The following SLC44A1 variants were observed in gnomAD, a reference collection of about 807,000 sequenced individuals.
SLC44A1 encodes choline transporter-like protein 1.
Under a neutral mutation model 79.3 loss-of-function variants are expected in SLC44A1, and 26 were observed. The ratio of observed to expected loss-of-function variants is 0.33; its 90% confidence interval spans 0.24 to 0.46. SLC44A1 has a LOEUF of 0.46. Ranked by LOEUF, SLC44A1 falls within the 20% of genes least tolerant of loss-of-function variation. The probability of loss-of-function intolerance (pLI) is 1.00; values close to 1 mark genes in which losing one functional copy is unlikely to be tolerated. For missense variants in SLC44A1, 688 were observed against 798.1 expected, an observed-to-expected ratio of 0.86 and a Z score of 1.66; for synonymous variants, 263 against 286.2, an observed-to-expected ratio of 0.92 and a Z score of 0.82.
At chr9:105,406,488 C>A (rs931412479) in intron 15 of SLC44A1, among the ~76,000 whole-genome samples, 3 of 152,176 alleles carry the variant, frequency 2.0e-5, no homozygotes, top group Non-Finnish European at 4.4e-5. Flanking sequence ...CACCTATAAT[C>A]TCAATACCTT....
intron 15 of SLC44A1, among the ~76,000 whole-genome samples, chr9:105,421,467 C>T (rs12340242): frequency 1.3e-5 from 2 of 151,982 alleles, no homozygotes; most frequent in Non-Finnish European, 2.9e-5. Flanking sequence ...TTAGAGCCAC[C>T]GTCATTAAAA....
intron 1 of SLC44A1, among the ~76,000 whole-genome samples, chr9:105,287,585 A>G (rs227888): frequency 0.13 from 20,039 of 152,118 alleles, 1,672 homozygotes; most frequent in African/African-American, 0.23. Flanking sequence ...GGACATAACA[A>G]TGATTTAGGG....
chr9:105,309,763 G>C lies in SLC44A1; in HGVS notation c.166G>C (p.Ala56Pro), dbSNP rs1230776546. ...CTTTTCAATAGCAACAGGTGCAGCA[G>C]CAAGACTAGTGTCAGGATACGACAG... ...CGFSIATGAAARLVSGYDSYG... is the reference protein window; with the variant it reads ...CGFSIATGAAPRLVSGYDSYG... The change falls in exon 3 of 16, where the codon GCA (alanine) becomes CCA (proline). Residue 56 changes from alanine (A) to proline (P), a missense_variant. Coordinates refer to ENST00000374720, the MANE Select transcript of SLC44A1 (RefSeq NM_080546.5). 6.2e-7 allele frequency: 1 copy of C among 1,613,772 alleles called. No homozygotes were observed. The highest frequency in any genetic ancestry group is 8.5e-7 in the Non-Finnish European group (1 of 1,179,848).
intron 15 of SLC44A1, among the ~76,000 whole-genome samples, chr9:105,402,805 G>A (rs941211428): frequency 6.6e-6 from 1 of 152,002 alleles, no homozygotes; most frequent in African/African-American, 2.4e-5. Context: ...TATTTATGCT[G>A]CTTTTGTTTT....
chr9:105,300,370 C>T (rs1208427240), intron 2 of SLC44A1, among the ~76,000 whole-genome samples: 1 of 152,200 alleles, frequency 6.6e-6, no homozygotes, highest in African/African-American at 2.4e-5. Context: ...TGTTCCTACT[C>T]ATGTGTATTT....
chr9:105,261,773 CTCTT>C (rs1281130378), intron 1 of SLC44A1, among the ~76,000 whole-genome samples: 6 of 138,030 alleles, frequency 4.3e-5, no homozygotes, highest in Middle Eastern at 3.6e-3. Flanking sequence ...TTCTCTCTCT[CTCTT>C]TTTTTTTTTT....
intron 15 of SLC44A1, among the ~76,000 whole-genome samples, chr9:105,432,111 G>A (rs1177111151): frequency 1.3e-5 from 2 of 152,080 alleles, no homozygotes; most frequent in Non-Finnish European, 2.9e-5. Flanking sequence ...TAGTAGAGAC[G>A]GAGTTTCACC....
In SLC44A1 at chr9:105,366,391, CT is replaced by C; in HGVS notation, c.1459del (p.Trp487GlyfsTer7). On this transcript the variant is annotated frameshift_variant, in exon 12 of 16. Transcript: ENST00000374720. LOFTEE classifies it high-confidence loss of function. Reference sequence around the variant, plus strand: ...TGTGCTGAAATCTTGCATTTGTTGCCTTTGGTGTCTTGAAAAGTGCCTAAAT... The same window carrying C: ...TGTGCTGAAATCTTGCATTTGTTGCCTTGGTGTCTTGAAAAGTGCCTAAAT... Reference protein sequence around the residue: ...RCVLKSCICCLWCLEKCLNYL... With the variant: ...RCVLKSCICCXWCLEKCLNYL... The C allele has an allele frequency of 2.0e-6, 3 of 1,532,056 alleles. No individual in the cohort carries two copies. The highest frequency in any genetic ancestry group is 2.6e-5 in the South Asian group (2 of 76,122). 94.9% of individuals were successfully genotyped at this position (1,532,056 alleles called of 1,614,324 possible). A position where few individuals can be genotyped will look rare whatever the true frequency, so the allele number is the denominator to read the frequency against.
At chr9:105,435,950 C>A (rs1328388303) in intron 15 of SLC44A1, among the ~76,000 whole-genome samples, 3 of 152,226 alleles carry the variant, frequency 2.0e-5, no homozygotes, top group East Asian at 3.8e-4. Context: ...GTAATCTCAA[C>A]ACTTCGGGAG....
Position 105,308,832 on chromosome 9 carries a change from A to G in SLC44A1, c.127-892A>G, listed in dbSNP as rs370755681. On this transcript the variant is annotated intron_variant, in intron 2 of 15. Coordinates refer to ENST00000374720, the MANE Select transcript of SLC44A1 (RefSeq NM_080546.5). ...TTCTTAACCTCAGTCTTTCCCACCA[A>G]TACAATCAATTTATCAGTAGTGATT... Among the ~76,000 whole-genome samples the G allele has an allele frequency of 8.5e-5, 13 of 152,218 alleles. No individual in the cohort carries two copies. In the East Asian group the frequency reaches 1.5e-3, roughly 18 times the overall value.
chr9:105,247,472 T>C (rs1829484661), intron 1 of SLC44A1, among the ~76,000 whole-genome samples: 1 of 152,120 alleles, frequency 6.6e-6, no homozygotes, highest in Admixed American at 6.5e-5. Flanking sequence ...TAATTTTGTA[T>C]TTTTGGTAGA....
At chr9:105,338,195 CT>C (rs1192815535) in intron 4 of SLC44A1, among the ~76,000 whole-genome samples, 1 of 152,034 alleles carries the variant, frequency 6.6e-6, no homozygotes, top group Non-Finnish European at 1.5e-5. Flanking sequence ...GAGAGAGAGC[CT>C]TTTGTATAGA....
At chr9:105,405,237 C>A (rs1272459840) in intron 15 of SLC44A1, among the ~76,000 whole-genome samples, 2 of 151,684 alleles carry the variant, frequency 1.3e-5, no homozygotes, top group Non-Finnish European at 2.9e-5. Flanking sequence ...AGGAGAATCT[C>A]TTGAATCGGG....
At chr9:105,383,941 A>C (rs1479493157) in intron 14 of SLC44A1, among the ~76,000 whole-genome samples, 1 of 152,196 alleles carries the variant, frequency 6.6e-6, no homozygotes, top group Non-Finnish European at 1.5e-5. Flanking sequence ...ACCTCAATTA[A>C]ATTTCTTTAA....
chr9:105,311,676 G>T (rs1465764023), intron 3 of SLC44A1, among the ~76,000 whole-genome samples: 4 of 152,188 alleles, frequency 2.6e-5, no homozygotes, highest in Non-Finnish European at 5.9e-5. Flanking sequence ...AGTTTCCCAG[G>T]TGTAGCTGTT....
chr9:105,269,490 C>T (rs1830032537), intron 1 of SLC44A1, among the ~76,000 whole-genome samples: 1 of 152,064 alleles, frequency 6.6e-6, no homozygotes, highest in Non-Finnish European at 1.5e-5. Context: ...TCCCAATCTC[C>T]ATTCTTCTAT....
At chr9:105,425,166 T>G (rs1175188322) in intron 15 of SLC44A1, among the ~76,000 whole-genome samples, 3 of 152,198 alleles carry the variant, frequency 2.0e-5, no homozygotes, top group Non-Finnish European at 4.4e-5. Context: ...ATGTACAACA[T>G]TCTATGTCAG....
chr9:105,325,787 A>G (rs951465010), intron 3 of SLC44A1, among the ~76,000 whole-genome samples: 5 of 152,190 alleles, frequency 3.3e-5, no homozygotes, highest in African/African-American at 1.2e-4. Context: ...AATGGATAGG[A>G]GGTTTCTTTT....
rs1405073517 is a variant in SLC44A1, at chr9:105,429,990, C to G, written c.1951-8291C>G. On this transcript the variant is annotated intron_variant, in intron 15 of 15. Transcript: ENST00000374724. ...CAGCTCACCACAGCTTTGACCCTTC[C>G]AGGCTCCTCCTGCCTCAGTGATCCT... Among the ~76,000 whole-genome samples, 3 of 152,150 alleles carry G rather than the reference C, an allele frequency of 2.0e-5. No homozygotes were observed. In the East Asian group the frequency reaches 5.8e-4, roughly 29 times the overall value.
Sources: allele counts gnomAD v4.1 joint callset (sites outside exome capture counted in the v4.1 genomes callset), GRCh38; gene constraint gnomAD v4.1.1; transcripts MANE v1.5; gene names NCBI Gene and HGNC (gene_info 2026-07-23, HGNC 2026-07-21).